The following THSD4 variants were observed in gnomAD, a reference collection of about 807,000 sequenced individuals.
THSD4 encodes the protein thrombospondin type 1 domain containing 4.
THSD4 carries 69 observed loss-of-function variants against 119.0 expected under a neutral mutation model. The observed-to-expected ratio is 0.58, with a 90% CI of 0.48 to 0.71. The LOEUF (loss-of-function observed/expected upper bound fraction) is 0.71. Among genes scored for constraint, THSD4 ranks in the 30% least tolerant of loss-of-function variants. The pLI, the probability that THSD4 is intolerant of heterozygous loss-of-function variation, is 0.00. For synonymous variants in THSD4, 524 were observed against 540.4 expected (o/e 0.97, Z 0.42); for missense variants, 1,393 against 1,391.1 (o/e 1.00, Z -0.02).
intron 2 of THSD4, among the ~76,000 whole-genome samples, chr15:71,152,422 C>CAA (rs11312461): frequency 8.3e-6 from 1 of 120,738 alleles, no homozygotes; most frequent in Non-Finnish European, 1.8e-5. Context: ...ACTCTGTCTC[C>CAA]AAAAAAAAAA....
intron 7 of THSD4, among the ~76,000 whole-genome samples, chr15:71,469,255 C>A (rs2047540077): frequency 6.6e-6 from 1 of 152,164 alleles, no homozygotes; most frequent in African/African-American, 2.4e-5. Context: ...TCATGTGTTG[C>A]ACTGCCCAGG....
intron 7 of THSD4, among the ~76,000 whole-genome samples, chr15:71,539,885 ACT>A (rs1567026937): frequency 6.6e-6 from 1 of 152,146 alleles, no homozygotes; most frequent in Admixed American, 6.5e-5. Context: ...TGGAGGGCTC[ACT>A]CTGTATTGAT....
intron 7 of THSD4, among the ~76,000 whole-genome samples, chr15:71,630,703 G>C (rs1216823695): frequency 6.6e-6 from 1 of 152,200 alleles, no homozygotes; most frequent in African/African-American, 2.4e-5. Context: ...GCCCTTCCAG[G>C]AGGGTCTCTC....
chr15:71,590,033 T>G (rs1323365216), intron 7 of THSD4, among the ~76,000 whole-genome samples: 1 of 139,260 alleles, frequency 7.2e-6, no homozygotes, highest in African/African-American at 2.5e-5. Context: ...TCTGTGCATA[T>G]CAGTAGGAAT....
chr15:71,340,583 C>T (rs1292703510), intron 6 of THSD4, among the ~76,000 whole-genome samples: 2 of 151,140 alleles, frequency 1.3e-5, no homozygotes, highest in African/African-American at 2.4e-5. Context: ...CATGTTTGGG[C>T]CTTAATGAGC....
intron 7 of THSD4, 129 bp from the exon 8 acceptor site, chr15:71,660,401 C>T (rs2051278148): frequency 2.7e-6 from 3 of 1,104,172 alleles, no homozygotes; most frequent in African/African-American, 1.5e-5. Context: ...GTGGCTCCCA[C>T]CCCACTCCTA....
rs574900470 is a variant in THSD4 at position 71,531,757 on chromosome 15, A to G, written c.1152+119934A>G. 2.0e-5 allele frequency among the ~76,000 whole-genome samples: 3 copies of G among 152,366 alleles called. No individual in the cohort carries two copies. The South Asian group carries it at 6.2e-4, about 32-fold the overall frequency. ...AAATGCAGGGAGAGGTAACACTACAATTCAGTTATCACTTAATTAGCTCTT... is the reference window on the plus strand; with the variant it reads ...AAATGCAGGGAGAGGTAACACTACAGTTCAGTTATCACTTAATTAGCTCTT... On this transcript the variant is annotated intron_variant, in intron 7 of 17. Transcript: ENST00000261862.
intron 7 of THSD4, among the ~76,000 whole-genome samples, chr15:71,625,913 T>C (rs2050500431): frequency 6.6e-6 from 1 of 152,192 alleles, no homozygotes. Flanking sequence ...CACGGAAGAC[T>C]TCCTGGAGGA....
intron 6 of THSD4, among the ~76,000 whole-genome samples, chr15:71,365,571 T>C (rs2045950802): frequency 6.6e-6 from 1 of 152,166 alleles, no homozygotes; most frequent in Non-Finnish European, 1.5e-5. Context: ...GAAGAGGTTT[T>C]ATGAAATGAA....
intron 7 of THSD4, among the ~76,000 whole-genome samples, chr15:71,414,017 G>T (rs893109984): frequency 2.0e-5 from 3 of 152,222 alleles, no homozygotes; most frequent in Non-Finnish European, 4.4e-5. Context: ...CACTGTTGAG[G>T]AATGGTGAAT....
intron 7 of THSD4, among the ~76,000 whole-genome samples, chr15:71,550,445 T>C (rs1224439684): frequency 6.6e-6 from 1 of 152,218 alleles, no homozygotes; most frequent in African/African-American, 2.4e-5. Context: ...TCTTTAATTT[T>C]CTTATTTTTG....
chr15:71,154,838 G>C (rs780578907), intron 2 of THSD4, 25 bp from the exon 3 acceptor site: 1 of 1,612,934 alleles, frequency 6.2e-7, no homozygotes, highest in Non-Finnish European at 8.5e-7. Flanking sequence ...TCACCATCCT[G>C]CCTGTTGCTA....
At chr15:71,510,181 G>A (rs1401504585) in intron 7 of THSD4, among the ~76,000 whole-genome samples, 6 of 152,196 alleles carry the variant, frequency 3.9e-5, no homozygotes, top group Admixed American at 6.5e-5. Flanking sequence ...TGCCACTAGC[G>A]CTCAGCACAG....
intron 7 of THSD4, among the ~76,000 whole-genome samples, chr15:71,640,240 G>A (rs1279521300): frequency 6.7e-6 from 1 of 150,232 alleles, no homozygotes; most frequent in Non-Finnish European, 1.5e-5. Flanking sequence ...ACACTGCTAT[G>A]CTCAGCTAAT....
chr15:71,780,870 G>A lies in THSD4; in HGVS notation c.*3496G>A, dbSNP rs149738743. ...CAAAGGGACAGAAAAGAGAAGACAC[G>A]AGCTTGGTGTATTTTCATCAAGTTA... On this transcript the variant is annotated 3_prime_UTR_variant, in exon 18 of 18. Coordinates refer to ENST00000261862, the MANE Select transcript of THSD4 (RefSeq NM_024817.3). The A allele has an allele frequency of 2.4e-4, 107 of 446,372 alleles. No homozygotes were observed. In the East Asian group the frequency reaches 3.7e-3, roughly 15 times the overall value. The allele number at this position is 446,372 out of a possible 1,614,324, so 27.7% of individuals were successfully genotyped here.
chr15:71,349,250 A>G (rs1018137140), intron 6 of THSD4, among the ~76,000 whole-genome samples: 2 of 152,262 alleles, frequency 1.3e-5, no homozygotes, highest in African/African-American at 4.8e-5. Flanking sequence ...TGTATACAAA[A>G]TGTAAATTGG....
At chr15:71,487,401 T>A (rs1261431732) in intron 7 of THSD4, among the ~76,000 whole-genome samples, 1 of 152,234 alleles carries the variant, frequency 6.6e-6, no homozygotes, top group Non-Finnish European at 1.5e-5. Context: ...CTGTGGAAAC[T>A]GTTTTCTGGA....
chr15:71,658,697 G>A lies in THSD4; in HGVS notation c.1153-1833G>A, dbSNP rs563941048. Reference sequence around the variant, plus strand: ...CCTTATTTTTTCTGCTAAAATGTGCGTGGGGCAGATTGAGAAGGATTTGAG... The same window carrying A: ...CCTTATTTTTTCTGCTAAAATGTGCATGGGGCAGATTGAGAAGGATTTGAG... On this transcript the variant is annotated intron_variant, in intron 7 of 17. Transcript: ENST00000261862. Among the ~76,000 whole-genome samples the A allele has an allele frequency of 9.4e-4, 143 of 152,320 alleles. 1 individual carries two copies. Among genetic ancestry groups the A allele is most frequent in the South Asian group, 7.2e-3 (35 of 4,828 alleles).
At chr15:71,230,402 C>G (rs543013026) in intron 4 of THSD4, among the ~76,000 whole-genome samples, 1 of 152,236 alleles carries the variant, frequency 6.6e-6, no homozygotes, top group East Asian at 1.9e-4. Flanking sequence ...TGCAACAGTT[C>G]GCACATATCA....
Sources: gnomAD v4.1 joint callset for allele counts (sites outside exome capture counted in the v4.1 genomes callset) on GRCh38, gnomAD v4.1.1 for gene constraint, MANE v1.5 for transcripts, NCBI Gene and HGNC (gene_info 2026-07-23, HGNC 2026-07-21) for gene names.